ZNF251: variants seen among roughly 807,000 people sequenced by gnomAD.
The protein encoded by ZNF251 is zinc finger protein 251.
Under a neutral mutation model 13.5 loss-of-function variants are expected in ZNF251, and 14 were observed. That is an observed-to-expected ratio of 1.04 (90% CI 0.69 to 1.63). The LOEUF is 1.63. ZNF251 is among the 40% of genes most tolerant of loss of function. The pLI, the probability that ZNF251 is intolerant of heterozygous loss-of-function variation, is 0.00. For synonymous variants in ZNF251, 287 were observed against 295.2 expected (o/e 0.97, Z 0.28); for missense variants, 764 against 834.9 (o/e 0.92, Z 1.05).
chr8:144,735,383 A>G (rs1166938198), intron 4 of ZNF251, among the ~76,000 whole-genome samples: 2 of 48,992 alleles, frequency 4.1e-5, no homozygotes, highest in Non-Finnish European at 1.3e-4. Context: ...CTCCGTCTCA[A>G]AAAAAAAAAA....
chr8:144,752,134 C>CAAAAAAA (rs1563772285), intron 4 of ZNF251, among the ~76,000 whole-genome samples: 1 of 127,300 alleles, frequency 7.9e-6, no homozygotes, highest in African/African-American at 3.3e-5. Flanking sequence ...AATAACTAGA[C>CAAAAAAA]CAAAAAAAAA....
In ZNF251 at chr8:144,724,305, T is replaced by C. The variant is rs546751479; in HGVS notation, c.278-923A>G. Among the ~76,000 whole-genome samples, 6 of 147,264 alleles carry C rather than the reference T, an allele frequency of 4.1e-5. No homozygotes were observed. In the South Asian group the frequency reaches 1.3e-3, roughly 32 times the overall value. Reference sequence around the variant, plus strand: ...AAAAAAAGAATTAAAGCAACAATCATGCCGTGTACTGTTGGTGGGACTGTA... The same window carrying C: ...AAAAAAAGAATTAAAGCAACAATCACGCCGTGTACTGTTGGTGGGACTGTA... On this transcript the variant is annotated intron_variant, in intron 4 of 4. Transcript: ENST00000292562.
rs763919647 is a variant in ZNF251 at position 144,754,743 on chromosome 8, C to T, written c.-15G>A. The T allele has an allele frequency of 1.9e-6, 3 of 1,611,812 alleles. No individual in the cohort carries two copies. The Admixed American group carries it at 5.0e-5, about 27-fold the overall frequency. Reference sequence around the variant, plus strand: ...GTGGCTGCCATTCTGTGTGCATGGGCTGCTGTGGTTTCCAAGAGAAGACAG... The same window carrying T: ...GTGGCTGCCATTCTGTGTGCATGGGTTGCTGTGGTTTCCAAGAGAAGACAG... On this transcript the variant is annotated 5_prime_UTR_variant, in exon 2 of 5. Coordinates refer to ENST00000292562, the MANE Select transcript of ZNF251 (RefSeq NM_138367.2).
rs59877504 is a variant in ZNF251, at chr8:144,731,948, A to ATTTTTTTT, written c.278-8574_278-8567dup. Reference sequence around the variant, plus strand: ...ATAAAGGACATGTCCTGACAGCTGCATTTTTTTTTTTTAAGACAGAGTCTT... The same window carrying ATTTTTTTT: ...ATAAAGGACATGTCCTGACAGCTGCATTTTTTTTTTTTTTTTTTTTAAGACAGAGTCTT... On this transcript the variant is annotated intron_variant, in intron 4 of 4. Coordinates refer to ENST00000292562, the MANE Select transcript of ZNF251 (RefSeq NM_138367.2). 0.025 allele frequency among the ~76,000 whole-genome samples: 3,512 copies of ATTTTTTTT among 141,940 alleles called. 380 individuals carry two copies. In the East Asian group the frequency reaches 0.35, roughly 14 times the overall value. 93.1% of individuals were successfully genotyped at this position (141,940 alleles called of 152,430 possible).
At position 144,725,059 on chromosome 8, in the gene ZNF251, A is replaced by C. The variant is rs551751268; in HGVS notation, c.278-1677T>G. On this transcript the variant is annotated intron_variant, in intron 4 of 4. Transcript: ENST00000292562. ...ACAGAGTTTCACTCTTGTTGCCCAG[A>C]CTGGAGTGCAATGGCACGATCTCGG... is the stretch of plus-strand genomic sequence containing the variant. Among the ~76,000 whole-genome samples the C allele has an allele frequency of 5.2e-3, 788 of 151,688 alleles. 7 individuals carry two copies. The highest frequency in any genetic ancestry group is 0.018 in the African/African-American group (741 of 41,314).
chr8:144,726,802 G>A lies in ZNF251; in HGVS notation c.278-3420C>T, dbSNP rs915731671. Among the ~76,000 whole-genome samples, 221 of 151,930 alleles carry A rather than the reference G, an allele frequency of 1.5e-3. 3 individuals are homozygous for A. Among genetic ancestry groups the A allele is most frequent in the African/African-American group, 9.9e-4 (41 of 41,416 alleles). ...GGAGAATGGCGTGAACCCGGGAGGC[G>A]GAGCTTGCAGTGAGCCGAGATCGCG... On this transcript the variant is annotated intron_variant, in intron 4 of 4. Coordinates refer to ENST00000292562, the MANE Select transcript of ZNF251 (RefSeq NM_138367.2).
rs567714272 is a variant in ZNF251, at chr8:144,755,053, G to A, written c.-75-250C>T. On this transcript the variant is annotated intron_variant, in intron 1 of 4. Transcript: ENST00000292562. ...GCAGTTCCCGTGGTCCAGACCTGCT[G>A]AAGGCCCTGGAAATGGGGTGCAGGG... 1.3e-4 allele frequency: 171 copies of A among 1,335,600 alleles called. No individual in the cohort carries two copies. In the African/African-American group the frequency reaches 2.5e-3, roughly 20 times the overall value. 82.7% of individuals were successfully genotyped at this position (1,335,600 alleles called of 1,614,324 possible).
intron 1 of ZNF251, chr8:144,755,162 C>G: frequency 8.5e-7 from 1 of 1,179,600 alleles, no homozygotes; most frequent in Non-Finnish European, 1.1e-6. Flanking sequence ...AGAAGGAGGC[C>G]GCGGGGATGC....
At chr8:144,754,145 C>T in intron 3 of ZNF251, 47 bp downstream of exon 3, 2 of 1,588,328 alleles carry the variant, frequency 1.3e-6, no homozygotes, top group Non-Finnish European at 1.7e-6. Flanking sequence ...CTCCCAAGCT[C>T]CTCAGAGGCC....
intron 4 of ZNF251, among the ~76,000 whole-genome samples, chr8:144,740,171 T>G (rs1824092815): frequency 6.7e-6 from 1 of 150,144 alleles, no homozygotes; most frequent in Non-Finnish European, 1.5e-5. Flanking sequence ...TGTAATCCCA[T>G]CTACTCCGGA....
At chr8:144,746,041 ATC>A (rs1248172730) in intron 4 of ZNF251, among the ~76,000 whole-genome samples, 1 of 152,174 alleles carries the variant, frequency 6.6e-6, no homozygotes, top group African/African-American at 2.4e-5. Context: ...TCAGTATTTT[ATC>A]TTTAGTGGTG....
intron 4 of ZNF251, among the ~76,000 whole-genome samples, chr8:144,743,758 G>T (rs1277343670): frequency 2.0e-5 from 3 of 152,116 alleles, no homozygotes; most frequent in Non-Finnish European, 2.9e-5. Flanking sequence ...ATTCTAATAG[G>T]TGTGCAGTGG....
At chr8:144,751,216 T>A (rs558182268) in intron 4 of ZNF251, among the ~76,000 whole-genome samples, 1 of 152,310 alleles carries the variant, frequency 6.6e-6, no homozygotes, top group African/African-American at 2.4e-5. Flanking sequence ...GAGCTAAGAT[T>A]TGTTGATTTT....
chr8:144,745,188 CTTTTTTTTTT>C (rs746070716), intron 4 of ZNF251, among the ~76,000 whole-genome samples: 1 of 114,588 alleles, frequency 8.7e-6, no homozygotes, highest in Non-Finnish European at 1.9e-5. Context: ...TGTCTAGATT[CTTTTTTTTTT>C]TTTTTTTTTG....
At position 144,722,471 on chromosome 8, in the gene ZNF251, G is replaced by C. The variant is rs376020478; in HGVS notation, c.1189C>G (p.Arg397Gly). 8 of 1,613,384 alleles carry C rather than the reference G, an allele frequency of 5.0e-6. No homozygotes were observed. The South Asian group carries it at 7.7e-5, about 16-fold the overall frequency. ...SQSSSLFLHH[R>G]VHTGEKPYVC... Reference sequence around the variant, plus strand: ...TAGGGTTTCTCTCCAGTATGAACCCGATGATGGAGGAAAAGGCTTGAGCTC... The same window carrying C: ...TAGGGTTTCTCTCCAGTATGAACCCCATGATGGAGGAAAAGGCTTGAGCTC... Residue 397 changes from arginine (R) to glycine (G), a missense_variant, in exon 5 of 5, where the codon CGG becomes GGG. Arg to Gly is a moderately radical substitution (Grantham distance 125). Transcript: ENST00000292562. This position sits in a 1 kb window ranked among gnomAD's most constrained non-coding sequence, Gnocchi z 4.8.
intron 4 of ZNF251, chr8:144,738,771 A>G: frequency 1.0e-6 from 1 of 980,200 alleles, no homozygotes; most frequent in Non-Finnish European, 1.2e-6. Flanking sequence ...TGTTTGTGGA[A>G]ACAGCACAGT....
At chr8:144,744,993 T>C (rs1052185727) in intron 4 of ZNF251, among the ~76,000 whole-genome samples, 1 of 151,906 alleles carries the variant, frequency 6.6e-6, no homozygotes, top group Non-Finnish European at 1.5e-5. Context: ...GAGGTGGAGG[T>C]TGCAGTGAGC....
chr8:144,746,767 T>A (rs201381240), intron 4 of ZNF251, among the ~76,000 whole-genome samples: 1 of 129,618 alleles, frequency 7.7e-6, no homozygotes, highest in East Asian at 4.9e-4. Context: ...GTTGTTCATC[T>A]TTTTTTTTTT....
At chr8:144,750,859 C>CTT (rs1189598741) in intron 4 of ZNF251, among the ~76,000 whole-genome samples, 5 of 112,572 alleles carry the variant, frequency 4.4e-5, no homozygotes, top group Admixed American at 1.8e-4. Context: ...TTTTTTTTTT[C>CTT]TTTTTTTTTT....
Sources: allele counts gnomAD v4.1 joint callset (sites outside exome capture counted in the v4.1 genomes callset), GRCh38; gene constraint gnomAD v4.1.1; non-coding constraint Gnocchi (gnomAD v3.1); transcripts MANE v1.5; gene names NCBI Gene and HGNC (gene_info 2026-07-23, HGNC 2026-07-21).